KTN1: variants seen among roughly 807,000 people sequenced by gnomAD.
KTN1 encodes the protein kinectin 1, also known as kinectin.
A neutral mutation model predicts 222.5 loss-of-function variants in KTN1; 130 were observed. The observed-to-expected ratio is 0.58, with a 90% CI of 0.51 to 0.68. The LOEUF (loss-of-function observed/expected upper bound fraction) is 0.68, where lower values mean the gene tolerates loss of function less well. Among genes scored for constraint, KTN1 ranks in the 30% least tolerant of loss-of-function variants. KTN1 has a pLI of 0.00. For synonymous variants in KTN1, 512 were observed against 496.3 expected (o/e 1.03, Z -0.42); for missense variants, 1,508 against 1,500.4 (o/e 1.01, Z -0.08).
At position 55,612,628 on chromosome 14, in the gene KTN1, G is replaced by C. The variant is rs1272108797; in HGVS notation, c.523+57G>C. The C allele has an allele frequency of 5.0e-6, 7 of 1,392,302 alleles. No individual in the cohort carries two copies. The African/African-American group carries it at 1.0e-4, about 20-fold the overall frequency. The allele number at this position is 1,392,302 out of a possible 1,614,324, so 86.2% of individuals were successfully genotyped here. ...ATTGTATGATTTGGAGCTTGGAATT[G>C]AGATATTCTGTTAGGTACATACACA... On this transcript the variant is annotated intron_variant, in intron 2 of 43. Coordinates refer to ENST00000395314, the MANE Select transcript of KTN1 (RefSeq NM_001079521.2).
Position 55,627,982 on chromosome 14 carries a change from A to C in KTN1, c.1034A>C (p.Lys345Thr), listed in dbSNP as rs373847990. 12 of 1,613,838 alleles carry C rather than the reference A, an allele frequency of 7.4e-6. No individual in the cohort carries two copies. Among genetic ancestry groups the C allele is most frequent in the Non-Finnish European group, 1.0e-5 (12 of 1,179,832 alleles). ...QEKDKLLAAVKEDAAATKDRC... is the reference protein window; with the variant it reads ...QEKDKLLAAVTEDAAATKDRC... ...AAGGACAAGTTACTCGCTGCTGTGA[A>C]GGAAGATGCTGCTGCTACAAAGGAT... The change falls in exon 6 of 44, where the codon AAG becomes ACG. Residue 345 changes from lysine to threonine, a missense_variant. By Grantham distance (78) the Lys-to-Thr change is moderately conservative. Transcript: ENST00000395314.
chr14:55,650,016 A>T (rs75760260), intron 22 of KTN1, among the ~76,000 whole-genome samples: 4,043 of 151,926 alleles, frequency 0.027, 186 homozygotes, highest in African/African-American at 0.092. Flanking sequence ...AACAAAAAAA[A>T]ACTATTTCCA....
At chr14:55,659,769 A>C in intron 31 of KTN1, 66 bp downstream of exon 31, 31 of 927,598 alleles carry the variant, frequency 3.3e-5, no homozygotes, top group Non-Finnish European at 5.2e-5. Context: ...AACCATTCTC[A>C]AATAAGCAAT....
rs143735954 is a variant in KTN1, at chr14:55,656,087, A to G, written c.2847A>G (p.Leu949=). The change falls in exon 29 of 44, where the codon CTA becomes CTG. Residue 949 remains leucine, a synonymous_variant. Coordinates refer to ENST00000395314, the MANE Select transcript of KTN1 (RefSeq NM_001079521.2). ...AATTGAAGAGGTTAGAAGCCATGCT[A>G]AAAGAGAGGGAGAGTGATCTTTCTA... ...ENELKRLEAM[L]KERESDLSSK... 191 of 1,611,348 alleles carry G rather than the reference A, an allele frequency of 1.2e-4. No homozygotes were observed. Among genetic ancestry groups the G allele is most frequent in the Middle Eastern group, 1.7e-4 (1 of 6,050 alleles).
intron 1 of KTN1, among the ~76,000 whole-genome samples, chr14:55,599,177 GT>G (rs1004388394): frequency 6.6e-6 from 1 of 151,860 alleles, no homozygotes; most frequent in Non-Finnish European, 1.5e-5. Context: ...TAATTTTTCT[GT>G]TTTTTTATGA....
In KTN1 at chr14:55,611,312, G is replaced by A. The variant is rs1219325468; in HGVS notation, c.-30-707G>A. ...AGGCAGGGTTTCGCCATGTTGCCCAGGGTAGACTGGAACTCCTAGGCTCAA... is the reference window on the plus strand; with the variant it reads ...AGGCAGGGTTTCGCCATGTTGCCCAAGGTAGACTGGAACTCCTAGGCTCAA... On this transcript the variant is annotated intron_variant, in intron 1 of 43. Transcript: ENST00000395314. Among the ~76,000 whole-genome samples the A allele has an allele frequency of 3.5e-5, 5 of 144,100 alleles. No individual in the cohort carries two copies. The Admixed American group carries it at 3.5e-4, about 10-fold the overall frequency. 94.5% of individuals were successfully genotyped at this position (144,100 alleles called of 152,430 possible).
chr14:55,650,834 G>GGA (rs1337490982), intron 24 of KTN1, among the ~76,000 whole-genome samples, 197 bp downstream of exon 24: 2 of 151,992 alleles, frequency 1.3e-5, no homozygotes, highest in Non-Finnish European at 2.9e-5. Context: ...AATTTTAACT[G>GGA]TTAATGGTTA....
chr14:55,604,680 A>G (rs1041580736), intron 1 of KTN1, among the ~76,000 whole-genome samples: 2 of 152,190 alleles, frequency 1.3e-5, no homozygotes, highest in African/African-American at 2.4e-5. Context: ...TTTACTCAGA[A>G]TGTCCTAGAG....
At chr14:55,658,308 A>G (rs1387521282) in intron 29 of KTN1, among the ~76,000 whole-genome samples, 1 of 152,146 alleles carries the variant, frequency 6.6e-6, no homozygotes, top group African/African-American at 2.4e-5. Flanking sequence ...TCTTAGAGCT[A>G]TTTCGGTATA....
intron 1 of KTN1, among the ~76,000 whole-genome samples, chr14:55,595,781 A>T (rs1218580928): frequency 6.6e-6 from 1 of 152,230 alleles, no homozygotes; most frequent in Non-Finnish European, 1.5e-5. Flanking sequence ...AAAATCAGAC[A>T]TTCCATAATG....
chr14:55,634,987 C>T (rs1401493464), intron 9 of KTN1, among the ~76,000 whole-genome samples: 4 of 152,102 alleles, frequency 2.6e-5, no homozygotes, highest in Non-Finnish European at 5.9e-5. Context: ...ATTCAGTTAC[C>T]TCCACGTGGT....
At chr14:55,654,865 C>T (rs1354725363) in intron 28 of KTN1, among the ~76,000 whole-genome samples, 1 of 152,186 alleles carries the variant, frequency 6.6e-6, no homozygotes, top group Non-Finnish European at 1.5e-5. Context: ...CTCCCTTCCT[C>T]CACATCCCGG....
At position 55,672,657 on chromosome 14, in the gene KTN1, C is replaced by A. The variant is rs140569691; in HGVS notation, c.3559C>A (p.Gln1187Lys). ...GCAGTCATCATTTACATCTTCAGAA[C>A]AAGAGCTAGAGCGATTAAGAAGCGA... ...QMQSSFTSSEQELERLRSENK... is the reference protein window; with the variant it reads ...QMQSSFTSSEKELERLRSENK... Residue 1187 changes from glutamine (Q) to lysine (K), a missense_variant, in exon 38 of 44, where the codon CAA (glutamine) becomes AAA (lysine). Coordinates refer to ENST00000395314, the MANE Select transcript of KTN1 (RefSeq NM_001079521.2). 4.4e-6 allele frequency: 7 copies of A among 1,607,506 alleles called. No individual in the cohort carries two copies. Among genetic ancestry groups the A allele is most frequent in the Non-Finnish European group, 3.4e-6 (4 of 1,174,672 alleles).
At chr14:55,677,028 A>G (rs2045938106) in intron 41 of KTN1, among the ~76,000 whole-genome samples, 1 of 152,186 alleles carries the variant, frequency 6.6e-6, no homozygotes, top group Non-Finnish European at 1.5e-5. Flanking sequence ...CTTTAAAAAT[A>G]CCAAACTGGT....
intron 29 of KTN1, among the ~76,000 whole-genome samples, chr14:55,658,312 C>G (rs17747301): frequency 0.061 from 9,290 of 152,156 alleles, 385 homozygotes; most frequent in South Asian, 0.09. Context: ...AGAGCTATTT[C>G]GGTATATTTC....
intron 1 of KTN1, among the ~76,000 whole-genome samples, chr14:55,608,201 T>C (rs1322652685): frequency 6.6e-6 from 1 of 152,226 alleles, no homozygotes; most frequent in East Asian, 1.9e-4. Flanking sequence ...CCTGTTTCAT[T>C]CTCAGTTCCT....
intron 34 of KTN1, among the ~76,000 whole-genome samples, chr14:55,669,004 A>G (rs780183581): frequency 2.0e-5 from 3 of 152,100 alleles, no homozygotes; most frequent in African/African-American, 2.4e-5. Flanking sequence ...TAGATACACT[A>G]TCAGTTCTAG....
intron 1 of KTN1, among the ~76,000 whole-genome samples, chr14:55,581,332 C>A (rs972226231): frequency 1.2e-4 from 19 of 152,220 alleles, no homozygotes; most frequent in African/African-American, 4.6e-4. Context: ...CCCTTCTTTC[C>A]TGTGGGAGGA....
intron 33 of KTN1, among the ~76,000 whole-genome samples, chr14:55,665,231 T>C (rs1468620572): frequency 1.3e-5 from 2 of 151,986 alleles, no homozygotes; most frequent in African/African-American, 4.8e-5. Context: ...GATGAGGGTT[T>C]TAGTGTGGTT....
Sources: allele counts gnomAD v4.1 joint callset (sites outside exome capture counted in the v4.1 genomes callset), GRCh38; gene constraint gnomAD v4.1.1; transcripts MANE v1.5; gene names NCBI Gene and HGNC (gene_info 2026-07-23, HGNC 2026-07-21).